The following FBXL14 variants were observed in gnomAD, a reference collection of about 807,000 sequenced individuals.
FBXL14 encodes the protein F-box/LRR-repeat protein 14.
A neutral mutation model predicts 24.5 loss-of-function variants in FBXL14; 11 were observed. That is an observed-to-expected ratio of 0.45 (90% CI 0.28 to 0.74). FBXL14 has a LOEUF of 0.74. FBXL14 is among the 30% of genes least tolerant of loss of function. The pLI is 0.12. For synonymous variants in FBXL14, 294 were observed against 240.4 expected (o/e 1.22, Z -2.06); for missense variants, 384 against 545.6 (o/e 0.70, Z 2.95).
At chr12:1,587,265 T>C (rs1002920151) in intron 1 of FBXL14, 3 of 143,866 alleles carry the variant, frequency 2.1e-5, no homozygotes, top group Non-Finnish European at 3.0e-5. Flanking sequence ...AAAAAAAAAA[T>C]TGAAGTAGAA....
chr12:1,575,769 A>G (rs1397478470), intron 1 of FBXL14, among the ~76,000 whole-genome samples: 1 of 147,316 alleles, frequency 6.8e-6, no homozygotes, highest in East Asian at 2.0e-4. Context: ...AGTGTGTGCA[A>G]TCATGTTTGA....
chr12:1,590,670 T>C (rs1179550367), intron 1 of FBXL14, among the ~76,000 whole-genome samples: 1 of 152,168 alleles, frequency 6.6e-6, no homozygotes, highest in Non-Finnish European at 1.5e-5. Context: ...GCCTCGGCTA[T>C]TGGAAGTGCT....
rs2094441287 is a variant in FBXL14 at position 1,569,352 on chromosome 12, C to T, written c.1195-2542G>A. On this transcript the variant is annotated intron_variant, in intron 1 of 1. Transcript: ENST00000339235. This position sits in a 1 kb window ranked among gnomAD's most constrained non-coding sequence, Gnocchi z 4.2. ...AGGCTTCTCCTCTTCCTTCTTCCCTCTTCAACCCCACGCTCTCATATGCTA... is the reference window on the plus strand; with the variant it reads ...AGGCTTCTCCTCTTCCTTCTTCCCTTTTCAACCCCACGCTCTCATATGCTA... 6.6e-6 allele frequency among the ~76,000 whole-genome samples: 1 copy of T among 151,654 alleles called. No individual in the cohort carries two copies. Among genetic ancestry groups the T allele is most frequent in the African/African-American group, 2.4e-5 (1 of 41,278 alleles).
Position 1,581,017 on chromosome 12 carries a change from T to G in FBXL14, c.1194+11856A>C, listed in dbSNP as rs184076841. 2.3e-3 allele frequency among the ~76,000 whole-genome samples: 349 copies of G among 152,192 alleles called. 1 individual carries two copies. The highest frequency in any genetic ancestry group is 8.0e-3 in the African/African-American group (333 of 41,522). ...CCAAATCAGGAAGGACTGCAAGGTG[T>G]TGTTGATACCTGCTTCAGTGTGTAG... On this transcript the variant is annotated intron_variant, in intron 1 of 1. Transcript: ENST00000339235.
chr12:1,570,802 A>G (rs1213902789), intron 1 of FBXL14, among the ~76,000 whole-genome samples: 2 of 152,086 alleles, frequency 1.3e-5, no homozygotes, highest in African/African-American at 4.8e-5. Flanking sequence ...ACCAAGCGGT[A>G]GTAATTCTCC....
intron 1 of FBXL14, among the ~76,000 whole-genome samples, chr12:1,577,898 C>T (rs1403915718): frequency 2.0e-5 from 3 of 152,190 alleles, no homozygotes; most frequent in Non-Finnish European, 2.9e-5. Flanking sequence ...ATATCAAGAG[C>T]ATAAACAGAG....
At chr12:1,570,225 TGAGA>T (rs200845603) in intron 1 of FBXL14, among the ~76,000 whole-genome samples, 10,467 of 152,056 alleles carry the variant, frequency 0.069, 487 homozygotes, top group African/African-American at 0.12. Flanking sequence ...AGTGGGAAAG[TGAGA>T]CAAGGAAGGG....
intron 1 of FBXL14, among the ~76,000 whole-genome samples, chr12:1,572,477 A>G (rs2094447029): frequency 6.6e-6 from 1 of 152,220 alleles, no homozygotes; most frequent in African/African-American, 2.4e-5. Flanking sequence ...ACCAAGTAAG[A>G]TGCACCAGGC....
Position 1,579,189 on chromosome 12 carries a change from A to G in FBXL14, c.1195-12379T>C, listed in dbSNP as rs982984061. ...TTAAGTATTAAATATAATACCTTCA[A>G]TGTAGTATTTGTGCTTCTCTCTATC... On this transcript the variant is annotated intron_variant, in intron 1 of 1. Transcript: ENST00000339235. This position sits in a 1 kb window ranked among gnomAD's most constrained non-coding sequence, Gnocchi z 4.3. 6.6e-6 allele frequency among the ~76,000 whole-genome samples: 1 copy of G among 152,138 alleles called. No homozygotes were observed. Among genetic ancestry groups the G allele is most frequent in the East Asian group, 1.9e-4 (1 of 5,206 alleles).
At chr12:1,587,725 CT>C (rs1246175918) in intron 1 of FBXL14, among the ~76,000 whole-genome samples, 1 of 152,166 alleles carries the variant, frequency 6.6e-6, no homozygotes, top group East Asian at 1.9e-4. Context: ...TGTTTTACAA[CT>C]TTTTAAAAAA....
intron 1 of FBXL14, chr12:1,574,533 A>G (rs10848528): frequency 0.91 from 68,487 of 75,112 alleles, 32,161 homozygotes; most frequent in African/African-American, 0.98. Context: ...GGAGGCTGGC[A>G]GCAGTGGAGG....
chr12:1,580,674 T>C (rs1045859166), intron 1 of FBXL14, among the ~76,000 whole-genome samples: 4 of 152,082 alleles, frequency 2.6e-5, no homozygotes, highest in Non-Finnish European at 4.4e-5. Flanking sequence ...TGCAGACTTG[T>C]GTATTGTGCT....
intron 1 of FBXL14, among the ~76,000 whole-genome samples, chr12:1,573,443 G>A (rs978665271): frequency 1.3e-5 from 2 of 152,168 alleles, no homozygotes; most frequent in Admixed American, 6.5e-5. Flanking sequence ...CAGCACATAC[G>A]TTCAACCTTG....
intron 1 of FBXL14, among the ~76,000 whole-genome samples, chr12:1,582,193 AAAGG>A (rs1333218158): frequency 3.9e-5 from 6 of 151,990 alleles, no homozygotes; most frequent in Admixed American, 2.0e-4. Flanking sequence ...GAAAGGAAGA[AAAGG>A]AAGAAAGAAA....
chr12:1,571,929 GT>G, intron 1 of FBXL14, among the ~76,000 whole-genome samples: 1 of 152,240 alleles, frequency 6.6e-6, no homozygotes, highest in African/African-American at 2.4e-5. Flanking sequence ...AATGAAGACA[GT>G]TCTGTGCTCT....
intron 1 of FBXL14, chr12:1,574,584 G>T: frequency 4.1e-6 from 1 of 242,860 alleles, no homozygotes; most frequent in Non-Finnish European, 8.2e-6. Context: ...CTGAGTGCTG[G>T]TAAAGGCCAC....
At chr12:1,585,120 C>T (rs11061868) in intron 1 of FBXL14, among the ~76,000 whole-genome samples, 218 of 152,254 alleles carry the variant, frequency 1.4e-3, no homozygotes, top group Non-Finnish European at 2.4e-3. Flanking sequence ...GATGTGTGGC[C>T]GGGCGCGGTG....
At chr12:1,584,007 A>G (rs1219538412) in intron 1 of FBXL14, among the ~76,000 whole-genome samples, 1 of 152,058 alleles carries the variant, frequency 6.6e-6, no homozygotes, top group African/African-American at 2.4e-5. Context: ...CTACCTTTCA[A>G]TAATGTGTAG....
rs1372586935 is a variant in FBXL14 at position 1,594,140 on chromosome 12, G to T, written c.-74C>A. The T allele has an allele frequency of 8.2e-7, 1 of 1,214,396 alleles. No homozygotes were observed. The highest frequency in any genetic ancestry group is 1.0e-6 in the Non-Finnish European group (1 of 966,912). The allele number at this position is 1,214,396 out of a possible 1,614,324, so 75.2% of individuals were successfully genotyped here. A position where few individuals can be genotyped will look rare whatever the true frequency, so the allele number is the denominator to read the frequency against. On this transcript the variant is annotated 5_prime_UTR_variant, in exon 1 of 2. Coordinates refer to ENST00000339235, the MANE Select transcript of FBXL14 (RefSeq NM_152441.3). ...GCCGCTCCGGCCTCGGGCAGGCGAC[G>T]AGAGCGCTTCTCCCCAGCCGCCGCC...
Sources: allele counts gnomAD v4.1 joint callset (sites outside exome capture counted in the v4.1 genomes callset), GRCh38; gene constraint gnomAD v4.1.1; non-coding constraint Gnocchi (gnomAD v3.1); transcripts MANE v1.5; gene names NCBI Gene and HGNC (gene_info 2026-07-23, HGNC 2026-07-21).